The following FGF14 variants were observed in gnomAD, a reference collection of about 807,000 sequenced individuals.
FGF14 encodes the protein fibroblast growth factor homologous factor 4.
In FGF14, 5 loss-of-function variants were observed where a neutral mutation model predicts 25.5. The ratio of observed to expected loss-of-function variants is 0.20; its 90% CI spans 0.10 to 0.41. FGF14 has a LOEUF of 0.41. FGF14 is among the 10% of genes least tolerant of loss of function. The pLI is 1.00. For synonymous variants in FGF14, 138 were observed against 118.3 expected, an observed-to-expected ratio of 1.17 and a Z score of -1.08; for missense variants, 222 against 320.1, an observed-to-expected ratio of 0.69 and a Z score of 2.34.
At chr13:102,131,987 T>C (rs750629489) in intron 1 of FGF14, among the ~76,000 whole-genome samples, 2 of 152,224 alleles carry the variant, frequency 1.3e-5, no homozygotes, top group Non-Finnish European at 2.9e-5. Context: ...CTGGATCAGA[T>C]TGGAAGGACT....
chr13:101,890,929 T>C (rs1021721825), intron 1 of FGF14, among the ~76,000 whole-genome samples: 7 of 152,174 alleles, frequency 4.6e-5, no homozygotes, highest in East Asian at 1.9e-4. Flanking sequence ...AAGAGCCTTT[T>C]TTTTTTCTTA....
chr13:102,035,712 T>C (rs980658997), intron 1 of FGF14, among the ~76,000 whole-genome samples: 9 of 152,214 alleles, frequency 5.9e-5, no homozygotes, highest in African/African-American at 1.9e-4. Context: ...TTCAAAATTA[T>C]TTAAGGTTTT....
At chr13:102,182,329 A>G (rs1409644303) in intron 1 of FGF14, among the ~76,000 whole-genome samples, 1 of 152,196 alleles carries the variant, frequency 6.6e-6, no homozygotes, top group Non-Finnish European at 1.5e-5. Context: ...ACTCTACCTC[A>G]GAGCCTCTGG....
At chr13:101,985,548 A>G (rs2139640074) in intron 1 of FGF14, among the ~76,000 whole-genome samples, 1 of 152,200 alleles carries the variant, frequency 6.6e-6, no homozygotes, top group South Asian at 2.1e-4. Context: ...CATATTCCTC[A>G]TGCATTAGTA....
At chr13:102,218,239 G>A (rs867362245) in intron 1 of FGF14, among the ~76,000 whole-genome samples, 1 of 151,888 alleles carries the variant, frequency 6.6e-6, no homozygotes, top group Non-Finnish European at 1.5e-5. Flanking sequence ...AAAAAGCCCT[G>A]ACCACAAAGC....
At chr13:102,328,255 T>C (rs939670840) in intron 1 of FGF14, among the ~76,000 whole-genome samples, 1 of 152,250 alleles carries the variant, frequency 6.6e-6, no homozygotes, top group Non-Finnish European at 1.5e-5. Flanking sequence ...TATTATTTAA[T>C]CGCTTATTTA....
chr13:102,047,246 A>C (rs2042024185), intron 1 of FGF14, among the ~76,000 whole-genome samples: 1 of 152,166 alleles, frequency 6.6e-6, no homozygotes, highest in African/African-American at 2.4e-5. Flanking sequence ...AAAATTAACC[A>C]TTTTATCCCC....
At chr13:101,927,784 T>C (rs1203061032) in intron 1 of FGF14, among the ~76,000 whole-genome samples, 2 of 152,096 alleles carry the variant, frequency 1.3e-5, no homozygotes, top group Non-Finnish European at 2.9e-5. Context: ...CTCCTGGCTT[T>C]CCCAACACAC....
intron 1 of FGF14, among the ~76,000 whole-genome samples, chr13:101,942,660 G>A (rs989454727): frequency 7.2e-5 from 11 of 152,130 alleles, no homozygotes; most frequent in Non-Finnish European, 1.2e-4. Context: ...CTGCAATTCT[G>A]GGCAGATTAT....
chr13:101,733,846 ATAT>A (rs982514874), intron 3 of FGF14, among the ~76,000 whole-genome samples: 10 of 151,488 alleles, frequency 6.6e-5, no homozygotes, highest in African/African-American at 2.4e-4. Context: ...TATTTATTAA[ATAT>A]TATATGTTAC....
At chr13:102,060,426 T>A (rs562538183) in intron 1 of FGF14, among the ~76,000 whole-genome samples, 172 of 152,262 alleles carry the variant, frequency 1.1e-3, no homozygotes, top group African/African-American at 3.9e-3. Context: ...CGCGGGAGGC[T>A]GAGGCCAGAG....
rs1443555881 is a variant in FGF14, at chr13:102,161,588, A to G, written c.208+239883T>C. ...TGTGAAGAAAGAAAGAAGAAGAAGA[A>G]GAAGAAGAAGAAGAAGAAGAAGAAG... On this transcript the variant is annotated intron_variant, in intron 1 of 4. Transcript: ENST00000376131. Among the ~76,000 whole-genome samples the G allele has an allele frequency of 9.7e-3, 22 of 2,278 alleles. 1 individual carries two copies. The highest frequency in any genetic ancestry group is 0.013 in the Non-Finnish European group (20 of 1,556). 1.5% of individuals were successfully genotyped at this position (2,278 alleles called of 152,430 possible).
At chr13:102,319,109 T>C (rs1006950681) in intron 1 of FGF14, among the ~76,000 whole-genome samples, 1 of 152,140 alleles carries the variant, frequency 6.6e-6, no homozygotes, top group African/African-American at 2.4e-5. Flanking sequence ...GAATTTGAAG[T>C]TGGAGTGCTA....
intron 1 of FGF14, among the ~76,000 whole-genome samples, chr13:102,335,281 T>C (rs890430375): frequency 2.0e-5 from 3 of 152,212 alleles, no homozygotes; most frequent in African/African-American, 7.2e-5. Context: ...TATTCTTTGA[T>C]CATTTCAATA....
At chr13:102,354,897 T>C (rs143134265) in intron 1 of FGF14, among the ~76,000 whole-genome samples, 6,678 of 149,716 alleles carry the variant, frequency 0.045, 193 homozygotes, top group Non-Finnish European at 0.063. Flanking sequence ...CCTCAAGACC[T>C]AGTTTGAGTT....
chr13:101,995,089 G>A (rs182512632), intron 1 of FGF14, among the ~76,000 whole-genome samples: 1 of 151,994 alleles, frequency 6.6e-6, no homozygotes, highest in African/African-American at 2.4e-5. Context: ...AATTTGAATA[G>A]AGCATATTGT....
At chr13:102,381,413 G>T (rs1032749779) in intron 1 of FGF14, among the ~76,000 whole-genome samples, 2 of 152,196 alleles carry the variant, frequency 1.3e-5, no homozygotes, top group South Asian at 2.1e-4. Flanking sequence ...TGGTGCCTTT[G>T]TAAGAGAGGC....
intron 1 of FGF14, among the ~76,000 whole-genome samples, chr13:101,955,644 A>C (rs1004465853): frequency 6.6e-6 from 1 of 152,222 alleles, no homozygotes; most frequent in Admixed American, 6.5e-5. Flanking sequence ...GGGAAGGGTG[A>C]GACATGAGTG....
intron 4 of FGF14, 100 bp from the exon 5 acceptor site, chr13:101,723,067 T>C (rs2035104563): frequency 2.1e-6 from 3 of 1,440,108 alleles, no homozygotes; most frequent in East Asian, 2.3e-5. Context: ...TTTGCCCATT[T>C]CTGTTTTCCC....
Sources: gnomAD v4.1 joint callset for allele counts (sites outside exome capture counted in the v4.1 genomes callset) on GRCh38, gnomAD v4.1.1 for gene constraint, MANE v1.5 for transcripts, NCBI Gene and HGNC (gene_info 2026-07-23, HGNC 2026-07-21) for gene names.